The following LDLRAD4 variants were observed in gnomAD, a reference collection of about 807,000 sequenced individuals.
The protein encoded by LDLRAD4 is low density lipoprotein receptor class A domain containing 4.
LDLRAD4 carries 5 observed loss-of-function variants against 17.0 expected under a neutral mutation model. The ratio of observed to expected loss-of-function variants is 0.29; its 90% confidence interval spans 0.15 to 0.62. The LOEUF is 0.62. Among genes scored for constraint, LDLRAD4 ranks in the 20% least tolerant of loss-of-function variants. The pLI, the probability that LDLRAD4 is intolerant of heterozygous loss-of-function variation, is 0.84. For missense variants in LDLRAD4, 340 were observed against 424.7 expected (o/e 0.80, Z 1.75); for synonymous variants, 168 against 171.8 (o/e 0.98, Z 0.17).
Position 13,645,777 on chromosome 18 carries a change from C to A in LDLRAD4, c.*120C>A. ...GTACAAATAAGTAAAACCAAATGAG[C>A]AAACACGGTCTTTGTTTCTGATTCC... On this transcript the variant is annotated 3_prime_UTR_variant, in exon 6 of 6. Transcript: ENST00000359446. The surrounding 1 kb of genome is among the most constrained non-coding windows in gnomAD (Gnocchi z 5.7). 1.5e-6 allele frequency: 1 copy of A among 647,666 alleles called. No homozygotes were observed. The highest frequency in any genetic ancestry group is 2.4e-6 in the Non-Finnish European group (1 of 416,848). The allele number at this position is 647,666 out of a possible 1,614,324, so 40.1% of individuals were successfully genotyped here. A position where few individuals can be genotyped will look rare whatever the true frequency, so the allele number is the denominator to read the frequency against.
Position 13,645,014 on chromosome 18 carries a change from T to G in LDLRAD4, c.391-113T>G. The G allele has an allele frequency of 1.2e-6, 1 of 805,534 alleles. No individual in the cohort carries two copies. The highest frequency in any genetic ancestry group is 2.0e-6 in the Non-Finnish European group (1 of 509,818). The allele number at this position is 805,534 out of a possible 1,614,324, so 49.9% of individuals were successfully genotyped here. Reference sequence around the variant, plus strand: ...TTTTCTTTTTTTTTTTCCTGGGAGATGGTGTTCAAACTGGTAGGAACACAC... The same window carrying G: ...TTTTCTTTTTTTTTTTCCTGGGAGAGGGTGTTCAAACTGGTAGGAACACAC... On this transcript the variant is annotated intron_variant, in intron 5 of 5. Transcript: ENST00000359446. This position sits in a 1 kb window ranked among gnomAD's most constrained non-coding sequence, Gnocchi z 5.7.
At position 13,367,333 on chromosome 18, in the gene LDLRAD4, G is replaced by C. The variant is rs542347262; in HGVS notation, c.-382-20008G>C. Among the ~76,000 whole-genome samples the C allele has an allele frequency of 9.2e-5, 14 of 152,360 alleles. No homozygotes were observed. The South Asian group carries it at 1.2e-3, about 14-fold the overall frequency. On this transcript the variant is annotated intron_variant, in intron 1 of 5. Coordinates refer to ENST00000359446, the Ensembl canonical transcript of LDLRAD4. The surrounding 1 kb of genome is among the most constrained non-coding windows in gnomAD (Gnocchi z 4.1). ...GGTGGTGTGATTGGCAGGTGGGGCAGAGGGGCCTGGGAGATGAGGTCCCGC... is the reference window on the plus strand; with the variant it reads ...GGTGGTGTGATTGGCAGGTGGGGCACAGGGGCCTGGGAGATGAGGTCCCGC...
intron 3 of LDLRAD4, among the ~76,000 whole-genome samples, chr18:13,479,071 C>G (rs2093020161): frequency 1.3e-5 from 2 of 152,176 alleles, no homozygotes; most frequent in South Asian, 4.1e-4. Context: ...TCTCCACATG[C>G]ACACACAAAA....
At chr18:13,410,932 G>A (rs2088276174) in intron 2 of LDLRAD4, among the ~76,000 whole-genome samples, 1 of 152,168 alleles carries the variant, frequency 6.6e-6, no homozygotes, top group Non-Finnish European at 1.5e-5. Flanking sequence ...ATGGCCACCA[G>A]AGAAGATGGC....
rs566709899 is a variant in LDLRAD4, at chr18:13,547,089, T to C, written c.182-74028T>C. On this transcript the variant is annotated intron_variant, in intron 3 of 5. Coordinates refer to ENST00000359446, the Ensembl canonical transcript of LDLRAD4. ...CCCCGATGTTGACAAGTAGAGCTCT[T>C]GTGCCAGTGAGAATTGTGCATCTGT... Among the ~76,000 whole-genome samples, 146 of 152,352 alleles carry C rather than the reference T, an allele frequency of 9.6e-4. 1 individual carries two copies. The highest frequency in any genetic ancestry group is 3.3e-3 in the African/African-American group (139 of 41,588).
chr18:13,265,227 T>C (rs79412626), intron 1 of LDLRAD4, among the ~76,000 whole-genome samples: 2,297 of 152,240 alleles, frequency 0.015, 24 homozygotes, highest in South Asian at 0.024. Context: ...CCTCCTCATA[T>C]CCTTCCCTGC....
intron 1 of LDLRAD4, among the ~76,000 whole-genome samples, chr18:13,337,168 T>G (rs1308319395): frequency 6.6e-6 from 1 of 152,226 alleles, no homozygotes; most frequent in Non-Finnish European, 1.5e-5. Context: ...TAAATGGTCT[T>G]GCCTCTGATT....
intron 3 of LDLRAD4, among the ~76,000 whole-genome samples, chr18:13,554,509 G>A (rs2094464978): frequency 6.6e-6 from 1 of 152,068 alleles, no homozygotes; most frequent in Non-Finnish European, 1.5e-5. Context: ...TGTAAGGGTT[G>A]TGTGTTGCAT....
At chr18:13,337,757 GAGTT>G (rs892472169) in intron 1 of LDLRAD4, among the ~76,000 whole-genome samples, 5 of 84,656 alleles carry the variant, frequency 5.9e-5, no homozygotes, top group African/African-American at 2.8e-4. Flanking sequence ...AAAAAAAAAA[GAGTT>G]AGCCAAGTGT....
At chr18:13,601,510 C>T (rs528101847) in intron 3 of LDLRAD4, among the ~76,000 whole-genome samples, 70 of 152,052 alleles carry the variant, frequency 4.6e-4, no homozygotes, top group Non-Finnish European at 7.1e-4. Flanking sequence ...GGAACACTTC[C>T]GGGCATGGTG....
At chr18:13,334,604 T>C (rs1008090263) in intron 1 of LDLRAD4, among the ~76,000 whole-genome samples, 1 of 152,256 alleles carries the variant, frequency 6.6e-6, no homozygotes, top group East Asian at 1.9e-4. Context: ...TTCAGAATTT[T>C]ATTGATTCTT....
In LDLRAD4 at chr18:13,617,410, G is replaced by T. The variant is rs1022233446; in HGVS notation, c.182-3707G>T. 3.9e-5 allele frequency among the ~76,000 whole-genome samples: 6 copies of T among 152,116 alleles called. No individual in the cohort carries two copies. In the East Asian group the frequency reaches 1.2e-3, roughly 29 times the overall value. Reference sequence around the variant, plus strand: ...AGGAATAAAATCCAGAGCAAATAAAGATCTAACATAAAATTCAAACTCCAA... The same window carrying T: ...AGGAATAAAATCCAGAGCAAATAAATATCTAACATAAAATTCAAACTCCAA... On this transcript the variant is annotated intron_variant, in intron 3 of 5. Coordinates refer to ENST00000359446, the Ensembl canonical transcript of LDLRAD4.
At chr18:13,397,172 G>C (rs1273733020) in intron 2 of LDLRAD4, among the ~76,000 whole-genome samples, 1 of 151,812 alleles carries the variant, frequency 6.6e-6, no homozygotes, top group Non-Finnish European at 1.5e-5. Context: ...GTCTCTCTCT[G>C]TCGCTCTGTC....
chr18:13,484,742 A>AGCACCCAC (rs1304654239), intron 3 of LDLRAD4, among the ~76,000 whole-genome samples: 13 of 152,200 alleles, frequency 8.5e-5, no homozygotes, highest in African/African-American at 3.1e-4. Flanking sequence ...GACAGGCACT[A>AGCACCCAC]ATGCACATAT....
intron 1 of LDLRAD4, among the ~76,000 whole-genome samples, chr18:13,246,241 A>G (rs537778695): frequency 6.6e-6 from 1 of 152,310 alleles, no homozygotes; most frequent in South Asian, 2.1e-4. Context: ...TGCGGCCATC[A>G]CTGACTTCAG....
intron 2 of LDLRAD4, among the ~76,000 whole-genome samples, chr18:13,428,747 A>G (rs145936051): frequency 3.4e-4 from 52 of 152,120 alleles, no homozygotes; most frequent in Admixed American, 9.8e-4. Context: ...TGTAAGGGAA[A>G]GGAAGGGGTT....
intron 3 of LDLRAD4, among the ~76,000 whole-genome samples, chr18:13,518,645 A>G (rs7227383): frequency 0.31 from 47,826 of 152,088 alleles, 7,992 homozygotes; most frequent in Middle Eastern, 0.5. Flanking sequence ...AAGTACATCT[A>G]TGGAAACTCT....
chr18:13,546,581 C>T (rs532989382), intron 3 of LDLRAD4, among the ~76,000 whole-genome samples: 1 of 152,146 alleles, frequency 6.6e-6, no homozygotes, highest in African/African-American at 2.4e-5. Flanking sequence ...GTTACCCAGC[C>T]TGGGTGGTTT....
At chr18:13,424,725 C>CA (rs2089788712) in intron 2 of LDLRAD4, among the ~76,000 whole-genome samples, 1 of 152,158 alleles carries the variant, frequency 6.6e-6, no homozygotes, top group Non-Finnish European at 1.5e-5. Flanking sequence ...AGGCATTTGT[C>CA]ACGCAAGGGA....
Sources: gnomAD v4.1 joint callset for allele counts (sites outside exome capture counted in the v4.1 genomes callset) on GRCh38, gnomAD v4.1.1 for gene constraint, Gnocchi (gnomAD v3.1) non-coding constraint, MANE v1.5 for transcripts, NCBI Gene and HGNC (gene_info 2026-07-23, HGNC 2026-07-21) for gene names.